MEIS2: variants seen among roughly 807,000 people sequenced by gnomAD.
MEIS2 encodes the protein homeobox protein Meis2.
MEIS2 carries 9 observed loss-of-function variants against 58.6 expected under a neutral mutation model. The observed-to-expected ratio is 0.15, with a 90% CI of 0.09 to 0.27. The LOEUF is 0.27. MEIS2 is among the 10% of genes least tolerant of loss of function. The pLI, the probability that MEIS2 is intolerant of heterozygous loss-of-function variation, is 1.00. For missense variants in MEIS2, 427 were observed against 635.0 expected (o/e 0.67, Z 3.52); for synonymous variants, 221 against 228.4 (o/e 0.97, Z 0.29).
intron 8 of MEIS2, among the ~76,000 whole-genome samples, chr15:37,028,369 C>T (rs1203919045): frequency 6.6e-6 from 1 of 152,192 alleles, no homozygotes; most frequent in East Asian, 1.9e-4. Context: ...ATCAGTCTTT[C>T]CATGCAGAAG....
At chr15:37,030,819 T>A (rs993300005) in intron 8 of MEIS2, among the ~76,000 whole-genome samples, 13 of 151,612 alleles carry the variant, frequency 8.6e-5, no homozygotes, top group Admixed American at 5.3e-4. Flanking sequence ...TAAAAAAAAA[T>A]TATAGAGATG....
intron 8 of MEIS2, among the ~76,000 whole-genome samples, chr15:36,950,702 C>T (rs1035353423): frequency 1.3e-5 from 2 of 152,078 alleles, no homozygotes; most frequent in Non-Finnish European, 2.9e-5. Context: ...GAATTTTGGT[C>T]ATCTAACTCG....
At chr15:36,923,148 G>A (rs941707431) in intron 9 of MEIS2, among the ~76,000 whole-genome samples, 11 of 152,216 alleles carry the variant, frequency 7.2e-5, no homozygotes, top group African/African-American at 2.6e-4. Context: ...TACAAAATGC[G>A]CTTAATTTCT....
At chr15:37,040,595 C>T (rs2062382131) in intron 7 of MEIS2, among the ~76,000 whole-genome samples, 1 of 152,190 alleles carries the variant, frequency 6.6e-6, no homozygotes, top group Non-Finnish European at 1.5e-5. Flanking sequence ...GCATTGCCAC[C>T]TCTGATGATG....
intron 8 of MEIS2, among the ~76,000 whole-genome samples, chr15:36,989,039 C>T (rs945068733): frequency 3.3e-5 from 5 of 152,200 alleles, no homozygotes; most frequent in African/African-American, 9.6e-5. Context: ...CTTCTATAAA[C>T]ACATCTTTAA....
At chr15:36,960,391 T>C (rs563548952) in intron 8 of MEIS2, among the ~76,000 whole-genome samples, 29 of 152,232 alleles carry the variant, frequency 1.9e-4, no homozygotes, top group Non-Finnish European at 3.7e-4. Flanking sequence ...AGGAAGTAGC[T>C]GTAAACTAAT....
intron 7 of MEIS2, among the ~76,000 whole-genome samples, chr15:37,041,654 T>C (rs995657464): frequency 6.6e-6 from 1 of 152,102 alleles, no homozygotes; most frequent in Non-Finnish European, 1.5e-5. Context: ...TCCATAGTTG[T>C]GTATCCACTG....
chr15:37,030,585 C>G (rs1368397933), intron 8 of MEIS2, among the ~76,000 whole-genome samples: 3 of 151,600 alleles, frequency 2.0e-5, no homozygotes, highest in East Asian at 1.9e-4. Flanking sequence ...AATCCACCCC[C>G]CTTGGCCTCC....
At chr15:36,986,541 A>C (rs1334661614) in intron 8 of MEIS2, among the ~76,000 whole-genome samples, 1 of 152,278 alleles carries the variant, frequency 6.6e-6, no homozygotes, top group East Asian at 1.9e-4. Flanking sequence ...GTGCTCCCAG[A>C]GTCAACTTCA....
At chr15:36,967,972 G>T (rs73391547) in intron 8 of MEIS2, among the ~76,000 whole-genome samples, 7,102 of 152,202 alleles carry the variant, frequency 0.047, 576 homozygotes, top group African/African-American at 0.16. Flanking sequence ...CTCTATTGCC[G>T]CTGCAATCAT....
At chr15:37,089,830 T>C (rs1223497107) in intron 6 of MEIS2, among the ~76,000 whole-genome samples, 1 of 151,328 alleles carries the variant, frequency 6.6e-6, no homozygotes, top group Non-Finnish European at 1.5e-5. Flanking sequence ...TTACATGTAA[T>C]ATCTTTACAT....
chr15:37,023,556 G>A (rs1436452720), intron 8 of MEIS2, among the ~76,000 whole-genome samples: 1 of 152,104 alleles, frequency 6.6e-6, no homozygotes, highest in Non-Finnish European at 1.5e-5. Flanking sequence ...TTACTGGTCT[G>A]TCATTTCAAA....
chr15:37,011,311 C>A (rs2061142780), intron 8 of MEIS2, among the ~76,000 whole-genome samples: 1 of 152,126 alleles, frequency 6.6e-6, no homozygotes, highest in Non-Finnish European at 1.5e-5. Context: ...ATTTCAGATG[C>A]AGTTGAATTA....
chr15:37,069,417 GACAA>G (rs1369753628), intron 7 of MEIS2, among the ~76,000 whole-genome samples: 1 of 152,160 alleles, frequency 6.6e-6, no homozygotes, highest in Admixed American at 6.6e-5. Context: ...AAAGTCTCTT[GACAA>G]ACAAGACAAA....
chr15:37,090,926 C>T (rs548542604), intron 6 of MEIS2, among the ~76,000 whole-genome samples: 4 of 152,248 alleles, frequency 2.6e-5, no homozygotes, highest in African/African-American at 9.6e-5. Flanking sequence ...ACAGATAAAA[C>T]AAGAAAACAA....
chr15:36,950,439 G>A (rs1411391860), intron 8 of MEIS2, 39 bp from the exon 9 acceptor site: 1 of 1,579,536 alleles, frequency 6.3e-7, no homozygotes, highest in South Asian at 1.1e-5. Flanking sequence ...TGGATCAGAA[G>A]TTAAGAAAGA....
At chr15:36,906,739 A>G (rs982555735) in intron 9 of MEIS2, among the ~76,000 whole-genome samples, 3 of 152,056 alleles carry the variant, frequency 2.0e-5, no homozygotes, top group Admixed American at 2.0e-4. Flanking sequence ...CTATTTTCCA[A>G]GCTACATGAA....
intron 7 of MEIS2, among the ~76,000 whole-genome samples, chr15:37,044,338 C>T (rs767338106): frequency 4.6e-5 from 7 of 152,150 alleles, no homozygotes; most frequent in Non-Finnish European, 7.4e-5. Context: ...TAGAGAGACA[C>T]GGGATGACAG....
At chr15:37,052,022 AT>A (rs1338214715) in intron 7 of MEIS2, among the ~76,000 whole-genome samples, 6 of 152,338 alleles carry the variant, frequency 3.9e-5, no homozygotes, top group African/African-American at 1.4e-4. Context: ...AATAAAAGTA[AT>A]TCTTAATAAA....
Sources: allele counts gnomAD v4.1 joint callset (sites outside exome capture counted in the v4.1 genomes callset), GRCh38; gene constraint gnomAD v4.1.1; transcripts MANE v1.5; gene names NCBI Gene and HGNC (gene_info 2026-07-23, HGNC 2026-07-21).